Variants in ZNF263 observed in about 807,000 individuals in gnomAD.
ZNF263 encodes zinc finger protein 263.
In ZNF263, 49 loss-of-function variants were observed where a neutral mutation model predicts 63.1. The ratio of observed to expected loss-of-function variants is 0.78; its 90% confidence interval spans 0.62 to 0.99. ZNF263 has a LOEUF of 0.99. Ranked by LOEUF, ZNF263 falls within the 50% of genes least tolerant of loss-of-function variation. ZNF263 has a pLI of 0.00. For missense variants in ZNF263, 872 were observed against 854.8 expected (o/e 1.02, Z -0.25); for synonymous variants, 352 against 324.2 (o/e 1.09, Z -0.92).
chr16:3,290,372 G>T lies in ZNF263; in HGVS notation c.1866G>T (p.Gln622His). The change falls in exon 6 of 6, where the codon CAG (glutamine) becomes CAT (histidine). Residue 622 changes from glutamine to histidine, a missense_variant. Coordinates refer to ENST00000219069, the MANE Select transcript of ZNF263 (RefSeq NM_005741.5). ...ATAGATCCAATTTAATCAGGCACCAGAGAATCCACACAGGAGAAAAACCCT... is the reference window on the plus strand; with the variant it reads ...ATAGATCCAATTTAATCAGGCACCATAGAATCCACACAGGAGAAAAACCCT... ...FSHRSNLIRH[Q>H]RIHTGEKPYT... The T allele has an allele frequency of 1.2e-6, 2 of 1,614,112 alleles. No individual in the cohort carries two copies. The highest frequency in any genetic ancestry group is 1.7e-6 in the Non-Finnish European group (2 of 1,180,018).
At position 3,283,854 on chromosome 16, in the gene ZNF263, G is replaced by T; in HGVS notation, c.36G>T (p.Gly12=). 6.3e-7 allele frequency: 1 copy of T among 1,599,086 alleles called. No homozygotes were observed. The highest frequency in any genetic ancestry group is 8.5e-7 in the Non-Finnish European group (1 of 1,174,066). ...GCCCGGGCTCCCAGGAACGGGAAGG[G>T]CTCCTGATAGTGAAGCTGGAGGAGG... ...ASGPGSQERE[G]LLIVKLEEDC... Residue 12 remains glycine (G), a synonymous_variant, in exon 1 of 6, where the codon GGG becomes GGT. Coordinates refer to ENST00000219069, the MANE Select transcript of ZNF263 (RefSeq NM_005741.5).
chr16:3,295,778 A>C (rs955166890), downstream of ZNF263, among the ~76,000 whole-genome samples: 1 of 152,254 alleles, frequency 6.6e-6, no homozygotes, highest in Non-Finnish European at 1.5e-5. Flanking sequence ...GAGTCAACGC[A>C]GAAGGCGAAG....
intron 3 of ZNF263, 96 bp downstream of exon 3, chr16:3,285,850 C>T (rs1959331976): frequency 3.3e-6 from 5 of 1,527,028 alleles, no homozygotes; most frequent in African/African-American, 1.4e-5. Flanking sequence ...TTGTCCCTTA[C>T]CACAGCGTCT....
chr16:3,288,217 A>C (rs1017045977), intron 4 of ZNF263, among the ~76,000 whole-genome samples: 1 of 150,522 alleles, frequency 6.6e-6, no homozygotes, highest in Non-Finnish European at 1.5e-5. Context: ...GTGCCACTGC[A>C]CTCCAGCCTG....
At chr16:3,300,469 T>C in intron 2 of ZNF263, 1 of 1,614,176 alleles carries the variant, frequency 6.2e-7, no homozygotes, top group Non-Finnish European at 8.5e-7. Context: ...AATTAACTTC[T>C]TATTTTTTTT....
downstream of ZNF263, chr16:3,293,047 G>A (rs970335669): frequency 2.6e-5 from 4 of 152,208 alleles, no homozygotes; most frequent in Admixed American, 6.5e-5. Flanking sequence ...TGAGAGAGTA[G>A]GTCTGATTCC....
At chr16:3,297,193 A>T (rs1465105536) in intron 1 of ZNF263, among the ~76,000 whole-genome samples, 3 of 150,418 alleles carry the variant, frequency 2.0e-5, no homozygotes, top group Non-Finnish European at 4.4e-5. Context: ...GCTACTCAGG[A>T]GGCTGAGGCA....
At chr16:3,296,895 C>T (rs750382933) in intron 1 of ZNF263, among the ~76,000 whole-genome samples, 11 of 152,104 alleles carry the variant, frequency 7.2e-5, no homozygotes, top group Non-Finnish European at 1.2e-4. Context: ...GGAATAAATT[C>T]GCAGAGGGAG....
chr16:3,300,418 G>A (rs1287173836), intron 2 of ZNF263: 6 of 1,614,024 alleles, frequency 3.7e-6, no homozygotes, highest in Non-Finnish European at 4.2e-6. Context: ...TCTCTTCTCA[G>A]CCCCTACTAA....
chr16:3,300,530 T>C, intron 2 of ZNF263: 2 of 1,613,860 alleles, frequency 1.2e-6, no homozygotes, highest in Non-Finnish European at 1.7e-6. Flanking sequence ...ATTACACTTT[T>C]AAGTGATCGT....
chr16:3,299,775 A>G lies in ZNF263; in HGVS notation c.*46+619A>G, dbSNP rs374112090. On this transcript the variant is annotated intron_variant, in intron 2 of 2. Transcript: ENST00000574674. Reference sequence around the variant, plus strand: ...CGTCCTCGTCATGAAATCTTAGAACATTAAGTTGAAAATGTCGGACCTCAG... The same window carrying G: ...CGTCCTCGTCATGAAATCTTAGAACGTTAAGTTGAAAATGTCGGACCTCAG... The G allele has an allele frequency of 3.2e-6, 5 of 1,564,218 alleles. No individual in the cohort carries two copies. In the African/African-American group the frequency reaches 5.5e-5, roughly 17 times the overall value.
chr16:3,292,874 C>G (rs983124607), downstream of ZNF263: 2 of 152,216 alleles, frequency 1.3e-5, no homozygotes, highest in African/African-American at 2.4e-5. Flanking sequence ...CAGAAAATAA[C>G]TACATAAAGC....
At chr16:3,285,927 T>G in intron 3 of ZNF263, 96 bp from the exon 4 acceptor site, 2 of 1,601,082 alleles carry the variant, frequency 1.2e-6, no homozygotes, top group Admixed American at 1.7e-5. Flanking sequence ...CCCTGACATG[T>G]GCTTGGCATC....
chr16:3,287,977 C>T (rs979318424), intron 4 of ZNF263, among the ~76,000 whole-genome samples: 25 of 151,280 alleles, frequency 1.7e-4, no homozygotes, highest in Middle Eastern at 3.5e-3. Context: ...ATTGGCCGGG[C>T]GCAGTGGCTC....
downstream of ZNF263, among the ~76,000 whole-genome samples, chr16:3,295,989 C>T (rs1237615038): frequency 1.3e-5 from 2 of 152,172 alleles, no homozygotes; most frequent in Non-Finnish European, 2.9e-5. Context: ...TTGCAGCTTG[C>T]CTGGGAGATA....
At chr16:3,285,779 C>A (rs1250006713) in intron 3 of ZNF263, 25 bp downstream of exon 3, 2 of 1,610,452 alleles carry the variant, frequency 1.2e-6, no homozygotes, top group African/African-American at 1.3e-5. Context: ...TCCATTGTCT[C>A]CCCCCAGCAC....
intron 1 of ZNF263, among the ~76,000 whole-genome samples, chr16:3,298,380 A>G (rs1028407361): frequency 2.6e-5 from 4 of 152,356 alleles, no homozygotes; most frequent in African/African-American, 9.6e-5. Flanking sequence ...GTAACAAACC[A>G]TAAAATATGT....
Position 3,290,744 on chromosome 16 carries a change from C to T in ZNF263, c.*186C>T, listed in dbSNP as rs1959583961. On this transcript the variant is annotated 3_prime_UTR_variant, in exon 6 of 6. Transcript: ENST00000219069. Reference sequence around the variant, plus strand: ...TAAAACTGAAAAGGAGTTCTGTCTGCATGAGAAAGGATGGCAAGTCTCTGA... The same window carrying T: ...TAAAACTGAAAAGGAGTTCTGTCTGTATGAGAAAGGATGGCAAGTCTCTGA... 4 of 1,403,312 alleles carry T rather than the reference C, an allele frequency of 2.9e-6. No homozygotes were observed. Among genetic ancestry groups the T allele is most frequent in the East Asian group, 2.6e-5 (1 of 38,336 alleles). The allele number at this position is 1,403,312 out of a possible 1,614,324, so 86.9% of individuals were successfully genotyped here.
chr16:3,290,683 T>C lies in ZNF263; in HGVS notation c.*125T>C. 4.1e-6 allele frequency: 6 copies of C among 1,448,622 alleles called. No individual in the cohort carries two copies. Among genetic ancestry groups the C allele is most frequent in the Non-Finnish European group, 2.7e-6 (3 of 1,107,498 alleles). 89.7% of individuals were successfully genotyped at this position (1,448,622 alleles called of 1,614,324 possible). A position where few individuals can be genotyped will look rare whatever the true frequency, so the allele number is the denominator to read the frequency against. ...GCATTCTTCAGGTAATGGGGGCTCA[T>C]TGTGAGGGAGGTGCAGAGGCAGCAG... On this transcript the variant is annotated 3_prime_UTR_variant, in exon 6 of 6. Coordinates refer to ENST00000219069, the MANE Select transcript of ZNF263 (RefSeq NM_005741.5).
Sources: gnomAD v4.1 joint callset for allele counts (sites outside exome capture counted in the v4.1 genomes callset) on GRCh38, gnomAD v4.1.1 for gene constraint, MANE v1.5 for transcripts, NCBI Gene and HGNC (gene_info 2026-07-23, HGNC 2026-07-21) for gene names.